The following TXNRD2 variants were observed in gnomAD, a reference collection of about 807,000 sequenced individuals.
TXNRD2 encodes the protein thioredoxin reductase 2, mitochondrial.
A neutral mutation model predicts 70.8 loss-of-function variants in TXNRD2; 67 were observed. The observed-to-expected ratio is 0.95, with a 90% CI of 0.78 to 1.16. The LOEUF (loss-of-function observed/expected upper bound fraction) is 1.16. TXNRD2 is among the 50% of genes most tolerant of loss of function. TXNRD2 has a pLI of 0.00. For synonymous variants in TXNRD2, 301 were observed against 295.8 expected (o/e 1.02, Z -0.18); for missense variants, 644 against 719.9 (o/e 0.89, Z 1.21).
intron 12 of TXNRD2, chr22:19,881,411 C>A (rs1938774427): frequency 8.4e-6 from 2 of 238,736 alleles, no homozygotes; most frequent in Non-Finnish European, 1.6e-5. Flanking sequence ...GCGGGCGGCG[C>A]ACAGCACACA....
At chr22:19,929,476 A>T (rs1200094274) in intron 2 of TXNRD2, among the ~76,000 whole-genome samples, 1 of 152,052 alleles carries the variant, frequency 6.6e-6, no homozygotes, top group Non-Finnish European at 1.5e-5. Context: ...CCAGCCTGGG[A>T]GGCAGAACAA....
chr22:19,894,969 CAAAA>C (rs35599379), intron 11 of TXNRD2: 788 of 1,268,636 alleles, frequency 6.2e-4, no homozygotes, highest in Middle Eastern at 2.4e-3. Flanking sequence ...GACTCCATCT[CAAAA>C]AAAAAAAAAA....
In TXNRD2 at chr22:19,918,890, C is replaced by CA; in HGVS notation, c.343dup (p.Trp115LeufsTer10). 1 of 1,611,900 alleles carries CA rather than the reference C, an allele frequency of 6.2e-7. No homozygotes were observed. Among genetic ancestry groups the CA allele is most frequent in the Non-Finnish European group, 8.5e-7 (1 of 1,179,900 alleles). On this transcript the variant is annotated frameshift_variant, in exon 4 of 18. Transcript: ENST00000400521. LOFTEE classifies it high-confidence loss of function. ...ATGCGGCACGGGCTGGGCCACCTCC[C>CA]AGCCATAGTTGGGGGCATCTTGGAT...
At chr22:19,909,772 CACCA>C (rs1330949344) in intron 8 of TXNRD2, among the ~76,000 whole-genome samples, 2 of 126,450 alleles carry the variant, frequency 1.6e-5, no homozygotes, top group African/African-American at 6.0e-5. Flanking sequence ...CACACACACA[CACCA>C]CACACACCAC....
chr22:19,939,568 A>T (rs1431313727), intron 1 of TXNRD2, among the ~76,000 whole-genome samples: 1 of 152,180 alleles, frequency 6.6e-6, no homozygotes, highest in Non-Finnish European at 1.5e-5. Flanking sequence ...ATGCTCCTGC[A>T]GAAATCTATA....
intron 2 of TXNRD2, among the ~76,000 whole-genome samples, chr22:19,921,911 A>G (rs1391970384): frequency 1.3e-5 from 2 of 152,322 alleles, no homozygotes; most frequent in East Asian, 3.9e-4. Flanking sequence ...GCGTTGGGTC[A>G]TGCCCCAGTA....
At chr22:19,914,978 G>C (rs1041313871) in intron 7 of TXNRD2, 3 of 535,268 alleles carry the variant, frequency 5.6e-6, no homozygotes, top group Admixed American at 5.5e-5. Context: ...AGCGGGGCAG[G>C]GGGAGAGCAG....
intron 8 of TXNRD2, among the ~76,000 whole-genome samples, chr22:19,904,032 C>T (rs567151525): frequency 7.9e-5 from 12 of 152,228 alleles, no homozygotes; most frequent in Non-Finnish European, 1.6e-4. Context: ...CGGGCTGGCA[C>T]AAGGCGGGCA....
chr22:19,898,171 T>G, intron 9 of TXNRD2, 41 bp from the exon 10 acceptor site: 1 of 1,529,122 alleles, frequency 6.5e-7, no homozygotes, highest in South Asian at 1.2e-5. Context: ...ATCCCAATTT[T>G]GGAAATGATG....
chr22:19,878,007 G>T (rs562634091), intron 16 of TXNRD2, 83 bp downstream of exon 16: 1 of 1,157,094 alleles, frequency 8.6e-7, no homozygotes, highest in African/African-American at 1.5e-5. Flanking sequence ...AAGAGTGGCA[G>T]CAGCTCTCCA....
intron 5 of TXNRD2, among the ~76,000 whole-genome samples, chr22:19,916,934 G>A (rs556018725): frequency 5.9e-5 from 9 of 152,248 alleles, no homozygotes; most frequent in East Asian, 3.9e-4. Flanking sequence ...CAAAAGGACC[G>A]TGCTGCAGCA....
chr22:19,925,442 T>A (rs1941103568), intron 2 of TXNRD2, among the ~76,000 whole-genome samples: 1 of 151,836 alleles, frequency 6.6e-6, no homozygotes, highest in Non-Finnish European at 1.5e-5. Context: ...CAGATGGAAA[T>A]GTGGATCCTC....
Position 19,876,834 on chromosome 22 carries a change from G to A in TXNRD2, c.*65+206C>T, listed in dbSNP as rs187566830. 491 of 367,686 alleles carry A rather than the reference G, an allele frequency of 1.3e-3. 1 individual carries two copies. Among genetic ancestry groups the A allele is most frequent in the African/African-American group, 9.1e-3 (446 of 49,038 alleles). The allele number at this position is 367,686 out of a possible 1,614,324, so 22.8% of individuals were successfully genotyped here. A position where few individuals can be genotyped will look rare whatever the true frequency, so the allele number is the denominator to read the frequency against. ...GGGGAGCAGCTGTGGCCAGGCCGGG[G>A]TCTGGGGTCCCCCGGGGAGGTTTGG... On this transcript the variant is annotated intron_variant, in intron 17 of 17. Coordinates refer to ENST00000400521, the MANE Select transcript of TXNRD2 (RefSeq NM_006440.5).
In TXNRD2 at chr22:19,925,787, C is replaced by T. The variant is rs1369128563; in HGVS notation, c.172+5243G>A. ...GATCTTGGATTTCTTAGCTATGATA[C>T]CAAAATCATAAGCAACAAAGGAAAA... On this transcript the variant is annotated intron_variant, in intron 2 of 17. Transcript: ENST00000400521. Among the ~76,000 whole-genome samples the T allele has an allele frequency of 2.0e-5, 3 of 151,732 alleles. 1 individual carries two copies. Among genetic ancestry groups the T allele is most frequent in the African/African-American group, 7.3e-5 (3 of 41,180 alleles).
chr22:19,886,669 C>T (rs1190768563), intron 11 of TXNRD2, among the ~76,000 whole-genome samples: 1 of 152,268 alleles, frequency 6.6e-6, no homozygotes, highest in African/African-American at 2.4e-5. Context: ...CGGTGTCTTT[C>T]GCCCTGCATG....
In TXNRD2 at chr22:19,889,965, T is replaced by C. The variant is rs187974808; in HGVS notation, c.949+5442A>G. On this transcript the variant is annotated intron_variant, in intron 11 of 17. Transcript: ENST00000400521. ...TAATCATTAAGTACTGAATTTGTCA[T>C]GGTAACAAGACCCAGTTGGACAACC... 6.6e-5 allele frequency among the ~76,000 whole-genome samples: 10 copies of C among 152,282 alleles called. No individual in the cohort carries two copies. In the East Asian group the frequency reaches 1.7e-3, roughly 26 times the overall value.
chr22:19,900,297 C>A (rs1255175509), intron 8 of TXNRD2, among the ~76,000 whole-genome samples: 1 of 152,180 alleles, frequency 6.6e-6, no homozygotes, highest in Non-Finnish European at 1.5e-5. Flanking sequence ...GCCGGCAACA[C>A]TTGGGAAACA....
chr22:19,885,575 C>G (rs899673649), intron 11 of TXNRD2, among the ~76,000 whole-genome samples: 1 of 152,214 alleles, frequency 6.6e-6, no homozygotes. Context: ...GAGGAAGGAG[C>G]TGGGCCCCAT....
chr22:19,899,963 A>G (rs968717710), intron 8 of TXNRD2, among the ~76,000 whole-genome samples: 1 of 152,222 alleles, frequency 6.6e-6, no homozygotes, highest in Non-Finnish European at 1.5e-5. Flanking sequence ...TTTGAACAAG[A>G]GGAGGTGATG....
Sources: gnomAD v4.1 joint callset for allele counts (sites outside exome capture counted in the v4.1 genomes callset) on GRCh38, gnomAD v4.1.1 for gene constraint, MANE v1.5 for transcripts, NCBI Gene and HGNC (gene_info 2026-07-23, HGNC 2026-07-21) for gene names.